Variants in RAD51B observed in about 807,000 individuals in gnomAD.
RAD51B encodes the protein DNA repair protein RAD51 homolog 2.
In RAD51B, 38 loss-of-function variants were observed where a neutral mutation model predicts 42.2. The observed-to-expected ratio is 0.90, with a 90% CI of 0.70 to 1.18. The LOEUF (loss-of-function observed/expected upper bound fraction) is 1.18, where lower values mean the gene tolerates loss of function less well. Ranked by LOEUF, RAD51B falls within the 50% of genes most tolerant of loss-of-function variation. The pLI, the probability that RAD51B is intolerant of heterozygous loss-of-function variation, is 0.00. For missense variants in RAD51B, 373 were observed against 400.7 expected, an observed-to-expected ratio of 0.93 and a Z score of 0.59; for synonymous variants, 154 against 145.2, an observed-to-expected ratio of 1.06 and a Z score of -0.43.
At chr14:67,850,305 T>A (rs2041762280) in intron 4 of RAD51B, among the ~76,000 whole-genome samples, 1 of 152,168 alleles carries the variant, frequency 6.6e-6, no homozygotes, top group South Asian at 2.1e-4. Context: ...CACTTCAAAT[T>A]TTTGTAGATA....
intron 7 of RAD51B, among the ~76,000 whole-genome samples, chr14:68,036,200 T>C (rs908900874): frequency 2.0e-5 from 3 of 152,258 alleles, no homozygotes; most frequent in African/African-American, 7.2e-5. Flanking sequence ...AAGTAGAGGT[T>C]ATGTGTCTCC....
intron 10 of RAD51B, among the ~76,000 whole-genome samples, chr14:68,532,967 T>C (rs76490274): frequency 6.6e-6 from 1 of 152,262 alleles, no homozygotes; most frequent in African/African-American, 2.4e-5. Context: ...AATACCTTTA[T>C]AGACAACACA....
At chr14:68,094,300 C>A (rs746222178) in intron 7 of RAD51B, among the ~76,000 whole-genome samples, 5 of 152,134 alleles carry the variant, frequency 3.3e-5, no homozygotes, top group Non-Finnish European at 7.3e-5. Context: ...TACATTCAGG[C>A]CTTGATTCAT....
intron 10 of RAD51B, among the ~76,000 whole-genome samples, chr14:68,576,838 ACTTTCTGTTACCTTGGGATCTT>A (rs1889984261): frequency 6.6e-6 from 1 of 152,096 alleles, no homozygotes; most frequent in South Asian, 2.1e-4. Flanking sequence ...TCTTTGATGA[ACTTTCTGTTACCTTGGGATCTT>A]CTACAGCAGG....
At chr14:68,677,038 G>A (rs566689926) in intron 11 of RAD51B, among the ~76,000 whole-genome samples, 1 of 152,310 alleles carries the variant, frequency 6.6e-6, no homozygotes, top group South Asian at 2.1e-4. Flanking sequence ...AGGGGAGCCA[G>A]CTATGCTCCC....
chr14:67,823,304 TTGCCTTGTAGATTTTCTATG>T (rs544304612), intron 1 of RAD51B, among the ~76,000 whole-genome samples: 27 of 152,234 alleles, frequency 1.8e-4, no homozygotes, highest in Non-Finnish European at 3.7e-4. Context: ...ATATTTGAGG[TTGCCTTGTAGATTTTCTATG>T]TGCCTGTTTG....
intron 7 of RAD51B, among the ~76,000 whole-genome samples, chr14:68,045,236 CAAAAAAAAAAAA>C (rs537073885): frequency 2.3e-4 from 5 of 22,080 alleles, no homozygotes; most frequent in African/African-American, 3.6e-4. Context: ...AACTCTGTCT[CAAAAAAAAAAAA>C]AAAAAAAAAA....
chr14:68,136,575 C>CAA (rs1204817902), intron 7 of RAD51B, among the ~76,000 whole-genome samples: 616 of 4,452 alleles, frequency 0.14, 177 homozygotes, highest in African/African-American at 0.19. Flanking sequence ...GACTCCATCT[C>CAA]AAAAAAAAAA....
At chr14:68,521,309 C>T (rs564433179) in intron 10 of RAD51B, among the ~76,000 whole-genome samples, 4 of 152,288 alleles carry the variant, frequency 2.6e-5, no homozygotes, top group South Asian at 4.1e-4. Context: ...CCTGACTCCC[C>T]ACTCCTCCCT....
chr14:68,307,628 C>T (rs2081894341), intron 8 of RAD51B, among the ~76,000 whole-genome samples: 1 of 152,142 alleles, frequency 6.6e-6, no homozygotes, highest in East Asian at 1.9e-4. Context: ...GGCATGCTTT[C>T]CCCTGAGTCA....
At chr14:68,658,793 A>G (rs1892873685) in intron 11 of RAD51B, among the ~76,000 whole-genome samples, 1 of 152,176 alleles carries the variant, frequency 6.6e-6, no homozygotes, top group Admixed American at 6.5e-5. Flanking sequence ...TGGAGCATGC[A>G]TTGTTACATC....
intron 7 of RAD51B, among the ~76,000 whole-genome samples, chr14:67,982,239 T>C (rs1175045395): frequency 2.0e-5 from 3 of 152,194 alleles, no homozygotes; most frequent in Non-Finnish European, 2.9e-5. Context: ...CTGGCCCCAA[T>C]TGTACACTTT....
intron 8 of RAD51B, among the ~76,000 whole-genome samples, chr14:68,408,169 G>C (rs185803505): frequency 2.0e-5 from 3 of 152,146 alleles, no homozygotes; most frequent in African/African-American, 7.2e-5. Context: ...TGGATCTAAG[G>C]GTGAGGTAGG....
intron 7 of RAD51B, among the ~76,000 whole-genome samples, chr14:67,923,298 C>CTTTTTTTT (rs34809964): frequency 3.2e-4 from 40 of 123,644 alleles, no homozygotes; most frequent in African/African-American, 1.1e-3. Context: ...TTTTCTTTTT[C>CTTTTTTTT]TTTTTTTTTT....
intron 8 of RAD51B, among the ~76,000 whole-genome samples, chr14:68,376,461 G>A (rs1475630757): frequency 2.0e-5 from 3 of 152,232 alleles, no homozygotes; most frequent in Non-Finnish European, 4.4e-5. Flanking sequence ...GAATGAGAAA[G>A]TTATCCAAGA....
At chr14:68,651,283 A>G (rs975976733) in intron 11 of RAD51B, among the ~76,000 whole-genome samples, 1 of 152,226 alleles carries the variant, frequency 6.6e-6, no homozygotes, top group South Asian at 2.1e-4. Context: ...GGTGGTCCTC[A>G]CACCTCAACC....
At chr14:68,566,643 C>G (rs1177587194) in intron 10 of RAD51B, among the ~76,000 whole-genome samples, 1 of 152,156 alleles carries the variant, frequency 6.6e-6, no homozygotes, top group African/African-American at 2.4e-5. Flanking sequence ...ATACACCTAC[C>G]AAGCTGGGAG....
chr14:67,867,235 G>T (rs2042358556), intron 5 of RAD51B, among the ~76,000 whole-genome samples: 1 of 152,134 alleles, frequency 6.6e-6, no homozygotes, highest in African/African-American at 2.4e-5. Context: ...CCCCTATTTG[G>T]AATTATCAGG....
At chr14:68,490,207 TTTA>T (rs1219182788) in intron 10 of RAD51B, among the ~76,000 whole-genome samples, 1 of 152,216 alleles carries the variant, frequency 6.6e-6, no homozygotes, top group Non-Finnish European at 1.5e-5. Flanking sequence ...CAGAAATGAT[TTTA>T]TTATTTATGT....
Sources: allele counts gnomAD v4.1 joint callset (sites outside exome capture counted in the v4.1 genomes callset), GRCh38; gene constraint gnomAD v4.1.1; transcripts MANE v1.5; gene names NCBI Gene and HGNC (gene_info 2026-07-23, HGNC 2026-07-21).